Variants in CDH20 observed in about 807,000 individuals in gnomAD.
CDH20 encodes cadherin 20.
Under a neutral mutation model 74.2 loss-of-function variants are expected in CDH20, and 29 were observed. That is an observed-to-expected ratio of 0.39 (90% CI 0.29 to 0.53). The LOEUF is 0.53. Ranked by LOEUF, CDH20 falls within the 20% of genes least tolerant of loss-of-function variation. The probability of loss-of-function intolerance (pLI) is 0.69; values close to 1 mark genes in which losing one functional copy is unlikely to be tolerated. For synonymous variants in CDH20, 469 were observed against 405.4 expected, an observed-to-expected ratio of 1.16 and a Z score of -1.88; for missense variants, 988 against 1,048.3, an observed-to-expected ratio of 0.94 and a Z score of 0.79.
At chr18:61,337,004 G>A (rs558625677) in intron 1 of CDH20, among the ~76,000 whole-genome samples, 6 of 152,306 alleles carry the variant, frequency 3.9e-5, no homozygotes, top group East Asian at 1.9e-4. Context: ...CTGTAAACAC[G>A]GAATAAAGAT....
chr18:61,536,689 G>A lies in CDH20; in HGVS notation c.1408+60G>A, dbSNP rs573025240. On this transcript the variant is annotated intron_variant, in intron 8 of 11. Coordinates refer to ENST00000262717, the MANE Select transcript of CDH20 (RefSeq NM_031891.4). ...ACAAAATATAGGTGTTATAGAAAGT[G>A]GAAGTTTCTAGAACTTGTTGTAACA... 632 of 1,475,356 alleles carry A rather than the reference G, an allele frequency of 4.3e-4. 4 individuals carry two copies. The African/African-American group carries it at 7.8e-3, about 18-fold the overall frequency. The allele number at this position is 1,475,356 out of a possible 1,614,324, so 91.4% of individuals were successfully genotyped here.
At chr18:61,516,678 A>C (rs1008946110) in intron 6 of CDH20, among the ~76,000 whole-genome samples, 1 of 152,156 alleles carries the variant, frequency 6.6e-6, no homozygotes, top group Non-Finnish European at 1.5e-5. Flanking sequence ...TATTTAAAAT[A>C]AAAAGGACAC....
At chr18:61,377,645 T>A (rs1301429524) in intron 1 of CDH20, among the ~76,000 whole-genome samples, 2 of 152,118 alleles carry the variant, frequency 1.3e-5, no homozygotes, top group African/African-American at 4.8e-5. Flanking sequence ...AGCGCACACA[T>A]CCCTTTTTTT....
intron 6 of CDH20, among the ~76,000 whole-genome samples, chr18:61,516,362 C>T (rs1353216517): frequency 6.6e-6 from 1 of 151,934 alleles, no homozygotes; most frequent in Admixed American, 6.6e-5. Context: ...TAGCTTTTGC[C>T]CTTGAGTATG....
intron 1 of CDH20, among the ~76,000 whole-genome samples, chr18:61,362,806 A>G (rs1276822166): frequency 6.6e-6 from 1 of 152,120 alleles, no homozygotes; most frequent in Non-Finnish European, 1.5e-5. Flanking sequence ...GACTTAGTAT[A>G]CAAAATTACC....
chr18:61,377,404 C>T (rs1013625243), intron 1 of CDH20, among the ~76,000 whole-genome samples: 6 of 151,794 alleles, frequency 4.0e-5, no homozygotes, highest in Admixed American at 6.6e-5. Context: ...AAACATTAGA[C>T]CTGGCCACAT....
intron 1 of CDH20, among the ~76,000 whole-genome samples, chr18:61,336,857 A>T (rs932823132): frequency 1.3e-5 from 2 of 152,176 alleles, no homozygotes; most frequent in African/African-American, 4.8e-5. Flanking sequence ...ACCCTAAAAA[A>T]AAAATGTCCA....
In CDH20 at chr18:61,422,433, A is replaced by T. The variant is rs113793823; in HGVS notation, c.-152-67969A>T. Among the ~76,000 whole-genome samples the T allele has an allele frequency of 2.8e-3, 423 of 152,286 alleles. 2 individuals are homozygous for T. The highest frequency in any genetic ancestry group is 9.7e-3 in the African/African-American group (404 of 41,562). On this transcript the variant is annotated intron_variant, in intron 1 of 11. Coordinates refer to ENST00000262717, the MANE Select transcript of CDH20 (RefSeq NM_031891.4). Reference sequence around the variant, plus strand: ...AAAAAATAATGTTGCTACAGGGCAAAAAATAAATAAATAAATAGCCACATT... The same window carrying T: ...AAAAAATAATGTTGCTACAGGGCAATAAATAAATAAATAAATAGCCACATT...
intron 10 of CDH20, among the ~76,000 whole-genome samples, chr18:61,548,773 C>T (rs1400234990): frequency 1.3e-5 from 2 of 152,232 alleles, no homozygotes; most frequent in East Asian, 3.8e-4. Flanking sequence ...GAGACTTACA[C>T]ACCAGCTCAT....
rs1434788254 is a variant in CDH20, at chr18:61,550,175, A to G, written c.1846A>G (p.Ser616Gly). 1.2e-6 allele frequency: 2 copies of G among 1,613,998 alleles called. No homozygotes were observed. Among genetic ancestry groups the G allele is most frequent in the East Asian group, 4.5e-5 (2 of 44,890 alleles). Residue 616 changes from serine to glycine, a missense_variant, in exon 11 of 12, where the codon AGT (serine) becomes GGT (glycine). This residue lies in a region of CDH20 where 375 missense variants were observed against 293.1 expected (regional missense o/e 1.28). Transcript: ENST00000262717. The part of the protein sequence containing the change: ...CSPEAYMLPV[S>G]LSRGALIAIL... ...CCCAGAGGCCTACATGCTCCCAGTC[A>G]GTTTGAGCCGGGGCGCCCTCATTGC...
At chr18:61,355,514 G>T (rs1342948150) in intron 1 of CDH20, among the ~76,000 whole-genome samples, 4 of 152,190 alleles carry the variant, frequency 2.6e-5, no homozygotes, top group Non-Finnish European at 5.9e-5. Flanking sequence ...TGTTCAACAT[G>T]TATCACTTTA....
At chr18:61,550,793 G>T (rs577331252) in intron 11 of CDH20, among the ~76,000 whole-genome samples, 2 of 152,290 alleles carry the variant, frequency 1.3e-5, no homozygotes, top group South Asian at 4.1e-4. Context: ...AAGGGAAGAG[G>T]GATAAGGTAT....
chr18:61,337,699 A>G (rs1909803326), intron 1 of CDH20, among the ~76,000 whole-genome samples: 1 of 152,228 alleles, frequency 6.6e-6, no homozygotes, highest in South Asian at 2.1e-4. Flanking sequence ...TTACTAAAAG[A>G]AGGCACTGTC....
chr18:61,422,981 A>G (rs1912937629), intron 1 of CDH20, among the ~76,000 whole-genome samples: 1 of 152,154 alleles, frequency 6.6e-6, no homozygotes, highest in Non-Finnish European at 1.5e-5. Flanking sequence ...TATTTTTGTA[A>G]TTTAGGATAA....
Position 61,519,629 on chromosome 18 carries a change from T to C in CDH20, c.1018-8338T>C, listed in dbSNP as rs560005731. Among the ~76,000 whole-genome samples, 13 of 151,026 alleles carry C rather than the reference T, an allele frequency of 8.6e-5. 1 individual carries two copies. Among genetic ancestry groups the C allele is most frequent in the African/African-American group, 3.2e-4 (13 of 40,616 alleles). On this transcript the variant is annotated intron_variant, in intron 6 of 11. Coordinates refer to ENST00000262717, the MANE Select transcript of CDH20 (RefSeq NM_031891.4). Reference sequence around the variant, plus strand: ...AAGAACTCCTCAAGGAAGCACTAAATATAGAAAGGAAAAACTGGTACCAGC... The same window carrying C: ...AAGAACTCCTCAAGGAAGCACTAAACATAGAAAGGAAAAACTGGTACCAGC...
intron 1 of CDH20, among the ~76,000 whole-genome samples, chr18:61,480,234 G>A (rs1010785411): frequency 3.3e-5 from 5 of 152,160 alleles, no homozygotes; most frequent in Middle Eastern, 3.4e-3. Context: ...TAACTCTGAC[G>A]GTCATATCCC....
intron 1 of CDH20, among the ~76,000 whole-genome samples, chr18:61,448,506 C>T (rs186374644): frequency 6.6e-6 from 1 of 152,224 alleles, no homozygotes; most frequent in East Asian, 1.9e-4. Context: ...TGTAAACTGC[C>T]CTTTCAGGAA....
At chr18:61,525,933 G>T (rs1250374219) in intron 6 of CDH20, among the ~76,000 whole-genome samples, 1 of 149,114 alleles carries the variant, frequency 6.7e-6, no homozygotes, top group Non-Finnish European at 1.5e-5. Context: ...AAGTAGCTGG[G>T]ATTACAGGCA....
At chr18:61,485,821 C>T (rs531396275) in intron 1 of CDH20, among the ~76,000 whole-genome samples, 27 of 152,266 alleles carry the variant, frequency 1.8e-4, no homozygotes, top group South Asian at 1.2e-3. Flanking sequence ...CGCCTGTAAT[C>T]CCAGCACTTT....
Sources: gnomAD v4.1 joint callset for allele counts (sites outside exome capture counted in the v4.1 genomes callset) on GRCh38, gnomAD v4.1.1 for gene constraint, gnomAD v4.1.1 regional missense constraint, MANE v1.5 for transcripts, NCBI Gene and HGNC (gene_info 2026-07-23, HGNC 2026-07-21) for gene names.